RTL4: variants seen among roughly 807,000 people sequenced by gnomAD.
RTL4 encodes the protein retrotransposon Gag like 4, also known as retrotransposon Gag-like protein 4.
In RTL4, 4 loss-of-function variants were observed where a neutral mutation model predicts 5.3. That is an observed-to-expected ratio of 0.75 (90% CI 0.37 to 1.72). The LOEUF is 1.72. Among genes scored for constraint, RTL4 ranks in the 40% most tolerant of loss-of-function variants. RTL4 has a pLI of 0.04. For missense variants in RTL4, 260 were observed against 227.1 expected, an observed-to-expected ratio of 1.14 and a Z score of -0.93; for synonymous variants, 98 against 87.3, an observed-to-expected ratio of 1.12 and a Z score of -0.68.
At chrX:112,322,463 A>T in the RTL4 span, among the ~76,000 whole-genome samples, 1,244 of 110,062 alleles carry the variant, frequency 0.011, 15 homozygotes, top group African/African-American at 0.039. Context: ...TTGTTGGTGT[A>T]ATCTCTTAAA....
the RTL4 span, among the ~76,000 whole-genome samples, chrX:112,092,690 A>G: frequency 9.0e-6 from 1 of 111,175 alleles, no homozygotes; most frequent in Admixed American, 9.6e-5. Context: ...TGATTCAGTC[A>G]TGGGGGTGGG....
At chrX:112,161,874 C>CTTTCTTTCTTTCTTTCTTTCT in the RTL4 span, among the ~76,000 whole-genome samples, 114 of 35,986 alleles carry the variant, frequency 3.2e-3, 12 homozygotes, top group African/African-American at 8.0e-3. Context: ...TCTTTCTTTC[C>CTTTCTTTCTTTCTTTCTTTCT]TTCTTTCTTC....
At chrX:112,182,909 C>G in the RTL4 span, among the ~76,000 whole-genome samples, 1 of 111,688 alleles carries the variant, frequency 9.0e-6, no homozygotes, top group Non-Finnish European at 1.9e-5. Flanking sequence ...TAAGGGCAGC[C>G]AGAGAGAAAG....
At chrX:112,298,616 C>T in the RTL4 span, among the ~76,000 whole-genome samples, 490 of 112,645 alleles carry the variant, frequency 4.3e-3, 2 homozygotes, top group African/African-American at 0.014. Flanking sequence ...AAAATGTGTG[C>T]TCTGGATCTT....
At chrX:112,447,491 G>T in the RTL4 span, among the ~76,000 whole-genome samples, 2 of 112,305 alleles carry the variant, frequency 1.8e-5, no homozygotes, top group East Asian at 5.6e-4. Context: ...CGAAGCCCAT[G>T]AGTTTTTTCT....
the RTL4 span, among the ~76,000 whole-genome samples, chrX:112,334,464 G>A: frequency 9.0e-6 from 1 of 111,541 alleles, no homozygotes; most frequent in Non-Finnish European, 1.9e-5. Flanking sequence ...AGCATTCAAC[G>A]AGCATTTTAT....
the RTL4 span, among the ~76,000 whole-genome samples, chrX:112,108,192 G>A: frequency 9.0e-6 from 1 of 111,184 alleles, no homozygotes; most frequent in Non-Finnish European, 1.9e-5. Flanking sequence ...TATCATTTTT[G>A]TCACCTACTG....
chrX:112,208,091 T>A, the RTL4 span, among the ~76,000 whole-genome samples: 1 of 111,767 alleles, frequency 8.9e-6, no homozygotes, highest in Non-Finnish European at 1.9e-5. Context: ...TCAAAGCATC[T>A]ACTGCAAAGC....
At chrX:112,417,381 G>C in the RTL4 span, among the ~76,000 whole-genome samples, 4,578 of 111,642 alleles carry the variant, frequency 0.041, 91 homozygotes, top group Non-Finnish European at 0.063. Context: ...GGTAGGGGAG[G>C]ATAATGTCCA....
At chrX:112,361,660 T>C in the RTL4 span, among the ~76,000 whole-genome samples, 1 of 110,854 alleles carries the variant, frequency 9.0e-6, no homozygotes, top group East Asian at 2.9e-4. Context: ...GAGATTCCTC[T>C]GCCACGTCTG....
At chrX:112,407,195 G>A in the RTL4 span, among the ~76,000 whole-genome samples, 7 of 110,974 alleles carry the variant, frequency 6.3e-5, no homozygotes, top group South Asian at 3.8e-4. Flanking sequence ...CACCAAGTGG[G>A]CTCTTGGGGT....
At chrX:112,335,535 A>T in the RTL4 span, among the ~76,000 whole-genome samples, 102 of 110,929 alleles carry the variant, frequency 9.2e-4, no homozygotes, top group Non-Finnish European at 1.7e-3. Flanking sequence ...TCCTATCGTG[A>T]TGATATTTAA....
the RTL4 span, among the ~76,000 whole-genome samples, chrX:112,107,025 A>T: frequency 9.0e-6 from 1 of 110,973 alleles, no homozygotes; most frequent in Admixed American, 9.5e-5. Context: ...GTTTGATGTA[A>T]TTCTATTTCT....
chrX:112,139,118 CATT>C, the RTL4 span, among the ~76,000 whole-genome samples: 1 of 110,962 alleles, frequency 9.0e-6, no homozygotes, highest in Non-Finnish European at 1.9e-5. Flanking sequence ...GATGTTTTCT[CATT>C]ATTAGACTGA....
the RTL4 span, among the ~76,000 whole-genome samples, chrX:112,350,763 CTTT>C: frequency 9.0e-6 from 1 of 111,002 alleles, no homozygotes; most frequent in African/African-American, 3.3e-5. Context: ...CTCTTTTCTT[CTTT>C]ATTAGTCTTG....
chrX:112,096,167 A>G, the RTL4 span, among the ~76,000 whole-genome samples: 1 of 111,990 alleles, frequency 8.9e-6, no homozygotes, highest in Non-Finnish European at 1.9e-5. Context: ...TAAAATTGGT[A>G]TGATAATAGA....
At chrX:112,361,850 C>T in the RTL4 span, among the ~76,000 whole-genome samples, 2 of 111,334 alleles carry the variant, frequency 1.8e-5, no homozygotes, top group Non-Finnish European at 3.8e-5. Flanking sequence ...GGATACTTTA[C>T]ACCACTTCAT....
the RTL4 span, among the ~76,000 whole-genome samples, chrX:112,429,799 A>G: frequency 4.5e-5 from 5 of 110,457 alleles, no homozygotes; most frequent in African/African-American, 1.6e-4. Context: ...TTCAAAGGAT[A>G]ATTTTACAGT....
At chrX:112,148,673 G>T in the RTL4 span, among the ~76,000 whole-genome samples, 1 of 111,764 alleles carries the variant, frequency 8.9e-6, no homozygotes, top group African/African-American at 3.2e-5. Context: ...TTGAAACCCA[G>T]TTCTGAATAG....
Sources: allele counts gnomAD v4.1 joint callset (sites outside exome capture counted in the v4.1 genomes callset), GRCh38; gene constraint gnomAD v4.1.1; transcripts MANE v1.5; gene names NCBI Gene and HGNC (gene_info 2026-07-23, HGNC 2026-07-21).